Variants in GRIK1 observed in about 807,000 individuals in gnomAD.
GRIK1 encodes the protein glutamate receptor ionotropic, kainate 1.
GRIK1 carries 69 observed loss-of-function variants against 105.7 expected under a neutral mutation model. The ratio of observed to expected loss-of-function variants is 0.65; its 90% confidence interval spans 0.54 to 0.80. GRIK1 has a LOEUF of 0.80. GRIK1 is among the 30% of genes least tolerant of loss of function. The pLI, the probability that GRIK1 is intolerant of heterozygous loss-of-function variation, is 0.00. For missense variants in GRIK1, 1,109 were observed against 1,167.3 expected, an observed-to-expected ratio of 0.95 and a Z score of 0.73; for synonymous variants, 438 against 431.3, an observed-to-expected ratio of 1.02 and a Z score of -0.19.
At chr21:29,746,153 C>T (rs1458737400) in intron 1 of GRIK1, among the ~76,000 whole-genome samples, 3 of 152,054 alleles carry the variant, frequency 2.0e-5, no homozygotes, top group Admixed American at 2.0e-4. Flanking sequence ...CTACACATAG[C>T]ACAATTATTC....
At chr21:29,702,708 C>T (rs954961968) in intron 1 of GRIK1, among the ~76,000 whole-genome samples, 11 of 152,130 alleles carry the variant, frequency 7.2e-5, no homozygotes, top group Admixed American at 2.0e-4. Flanking sequence ...GAGACTCCAT[C>T]TCAAAAAACA....
chr21:29,841,924 T>C (rs1406115515), intron 1 of GRIK1, among the ~76,000 whole-genome samples: 7 of 152,178 alleles, frequency 4.6e-5, no homozygotes, highest in Non-Finnish European at 1.5e-5. Flanking sequence ...TCTCTATAAA[T>C]ACATTTGACT....
At position 29,671,074 on chromosome 21, in the gene GRIK1, T is replaced by A. The variant is rs9976771; in HGVS notation, c.726+1909A>T. On this transcript the variant is annotated intron_variant, in intron 4 of 17. Coordinates refer to ENST00000327783, the MANE Select transcript of GRIK1 (RefSeq NM_001330994.2). ...AGTGTGAGAATTAGATATGGTGATG[T>A]CTGTGATTGCTTTCAAATGCAACTT... Among the ~76,000 whole-genome samples, 755 of 152,292 alleles carry A rather than the reference T, an allele frequency of 5.0e-3. 7 individuals carry two copies. The highest frequency in any genetic ancestry group is 8.4e-3 in the Non-Finnish European group (572 of 68,022).
At chr21:29,834,932 T>C (rs409947) in intron 1 of GRIK1, among the ~76,000 whole-genome samples, 150,786 of 150,868 alleles carry the variant, frequency 1, 75,352 homozygotes, top group Middle Eastern at 1. Context: ...TTATTCTCAC[T>C]CTTGTCTTAC....
intron 4 of GRIK1, among the ~76,000 whole-genome samples, chr21:29,667,911 C>A (rs1157588733): frequency 1.3e-5 from 2 of 152,182 alleles, no homozygotes; most frequent in Non-Finnish European, 2.9e-5. Flanking sequence ...AAATGCATTA[C>A]GGTTTCTTAA....
intron 1 of GRIK1, among the ~76,000 whole-genome samples, chr21:29,875,007 T>TC (rs56820830): frequency 3.7e-5 from 5 of 133,382 alleles, no homozygotes; most frequent in African/African-American, 1.5e-4. Context: ...CAGGGTTTTT[T>TC]TTTTTTTAAT....
intron 1 of GRIK1, among the ~76,000 whole-genome samples, chr21:29,755,140 AC>A (rs1482170981): frequency 6.6e-6 from 1 of 152,248 alleles, no homozygotes; most frequent in African/African-American, 2.4e-5. Flanking sequence ...ATGGATAAAA[AC>A]AAATATTTGT....
At chr21:29,622,393 A>G (rs1204929579) in intron 7 of GRIK1, among the ~76,000 whole-genome samples, 1 of 152,244 alleles carries the variant, frequency 6.6e-6, no homozygotes, top group Non-Finnish European at 1.5e-5. Flanking sequence ...GCTTTAGAAT[A>G]AAATCTACAT....
intron 1 of GRIK1, among the ~76,000 whole-genome samples, chr21:29,927,476 A>C (rs1290632233): frequency 6.7e-6 from 1 of 150,280 alleles, no homozygotes; most frequent in Non-Finnish European, 1.5e-5. Context: ...AATATGCTTA[A>C]TAATATGTAT....
chr21:29,599,368 G>A (rs2061476194), intron 7 of GRIK1, among the ~76,000 whole-genome samples: 1 of 152,164 alleles, frequency 6.6e-6, no homozygotes, highest in Non-Finnish European at 1.5e-5. Flanking sequence ...ATGATGTATT[G>A]CAGTTTTTAG....
intron 7 of GRIK1, among the ~76,000 whole-genome samples, chr21:29,616,911 T>G (rs1384815704): frequency 3.9e-5 from 6 of 152,222 alleles, no homozygotes; most frequent in Non-Finnish European, 7.3e-5. Flanking sequence ...TTCAATAACA[T>G]TACAGTTCAA....
chr21:29,741,109 G>A (rs2064915531), intron 1 of GRIK1, among the ~76,000 whole-genome samples: 1 of 152,120 alleles, frequency 6.6e-6, no homozygotes, highest in Non-Finnish European at 1.5e-5. Flanking sequence ...GGGCCTTCTT[G>A]GAAGGCTTAC....
At chr21:29,709,811 C>T (rs2064002028) in intron 1 of GRIK1, among the ~76,000 whole-genome samples, 1 of 151,604 alleles carries the variant, frequency 6.6e-6, no homozygotes, top group South Asian at 2.1e-4. Flanking sequence ...TACATTGGCT[C>T]ACCTTCTCAC....
chr21:29,609,573 G>A (rs1299615689), intron 7 of GRIK1, among the ~76,000 whole-genome samples: 1 of 152,162 alleles, frequency 6.6e-6, no homozygotes, highest in African/African-American at 2.4e-5. Flanking sequence ...CGCTGTGGTT[G>A]GGCATCATCC....
intron 16 of GRIK1, among the ~76,000 whole-genome samples, chr21:29,548,553 AAATAGTCT>A (rs1316420658): frequency 2.2e-5 from 2 of 89,382 alleles, no homozygotes; most frequent in African/African-American, 6.0e-5. Flanking sequence ...GATGTTCAGA[AAATAGTCT>A]AATAAGTAAG....
chr21:29,771,354 A>T (rs552807634), intron 1 of GRIK1, among the ~76,000 whole-genome samples: 3 of 152,056 alleles, frequency 2.0e-5, no homozygotes, highest in Non-Finnish European at 4.4e-5. Context: ...CCGATGTCTA[A>T]TGGAGTAAGA....
At chr21:29,766,475 T>G (rs1050950884) in intron 1 of GRIK1, among the ~76,000 whole-genome samples, 8 of 152,168 alleles carry the variant, frequency 5.3e-5, no homozygotes, top group Admixed American at 1.3e-4. Flanking sequence ...GATAGAGGTC[T>G]GACTCCCATC....
chr21:29,540,485 C>T (rs1160459433), intron 16 of GRIK1, among the ~76,000 whole-genome samples: 1 of 152,172 alleles, frequency 6.6e-6, no homozygotes, highest in Non-Finnish European at 1.5e-5. Context: ...CCTTTAAGGC[C>T]TCTCCCAGCC....
At chr21:29,686,158 T>C (rs1002820588) in intron 3 of GRIK1, among the ~76,000 whole-genome samples, 1 of 152,232 alleles carries the variant, frequency 6.6e-6, no homozygotes, top group African/African-American at 2.4e-5. Context: ...TCTTTGGTCT[T>C]CATTTTTGAA....
Sources: allele counts gnomAD v4.1 joint callset (sites outside exome capture counted in the v4.1 genomes callset), GRCh38; gene constraint gnomAD v4.1.1; transcripts MANE v1.5; gene names NCBI Gene and HGNC (gene_info 2026-07-23, HGNC 2026-07-21).